The following DCTN6 variants were observed in gnomAD, a reference collection of about 807,000 sequenced individuals.
DCTN6 encodes the protein dynactin 6.
Under a neutral mutation model 25.8 loss-of-function variants are expected in DCTN6, and 15 were observed. That is an observed-to-expected ratio of 0.58 (90% CI 0.39 to 0.89). DCTN6 has a LOEUF of 0.89. DCTN6 is among the 40% of genes least tolerant of loss of function. The pLI, the probability that DCTN6 is intolerant of heterozygous loss-of-function variation, is 0.00. For missense variants in DCTN6, 198 were observed against 237.6 expected, an observed-to-expected ratio of 0.83 and a Z score of 1.09; for synonymous variants, 64 against 78.3, an observed-to-expected ratio of 0.82 and a Z score of 0.96.
chr8:30,180,406 T>A, intron 5 of DCTN6, 82 bp from the exon 6 acceptor site: 1 of 1,528,282 alleles, frequency 6.5e-7, no homozygotes, highest in Non-Finnish European at 8.8e-7. Flanking sequence ...TTTACATTTT[T>A]ATACCTAAAT....
At chr8:30,179,318 C>A in intron 4 of DCTN6, 90 bp from the exon 5 acceptor site, 1 of 1,081,850 alleles carries the variant, frequency 9.2e-7, no homozygotes, top group Non-Finnish European at 1.3e-6. Flanking sequence ...ACACCCCTGT[C>A]CTCTGTCCCA....
rs755500284 is a variant in DCTN6 at position 30,183,047 on chromosome 8, A to G, written c.475-28A>G. ...GTACTCTTGACTTTGCTTTCTGCCA[A>G]TCGGCCTTAATTACCTTATCTTTTT... On this transcript the variant is annotated intron_variant, in intron 6 of 6. Transcript: ENST00000221114. The G allele has an allele frequency of 4.7e-5, 75 of 1,605,504 alleles. No individual in the cohort carries two copies. Among genetic ancestry groups the G allele is most frequent in the Middle Eastern group, 1.6e-4 (1 of 6,072 alleles).
chr8:30,157,487 G>A (rs1803541622), intron 1 of DCTN6, among the ~76,000 whole-genome samples: 1 of 152,226 alleles, frequency 6.6e-6, no homozygotes, highest in Non-Finnish European at 1.5e-5. Flanking sequence ...AGCTCTATAT[G>A]GATTGCTGGG....
chr8:30,180,683 C>T, intron 6 of DCTN6, 53 bp downstream of exon 6: 1 of 1,594,498 alleles, frequency 6.3e-7, no homozygotes, highest in Non-Finnish European at 8.6e-7. Flanking sequence ...TCCCAAAATA[C>T]AATGTAATTG....
chr8:30,162,585 C>G (rs546013084), intron 1 of DCTN6, among the ~76,000 whole-genome samples: 58 of 152,292 alleles, frequency 3.8e-4, no homozygotes, highest in Middle Eastern at 3.4e-3. Flanking sequence ...TAATAACTAT[C>G]ACTGTAATGG....
chr8:30,175,522 G>A (rs1287364874), intron 3 of DCTN6, among the ~76,000 whole-genome samples: 1 of 150,270 alleles, frequency 6.7e-6, no homozygotes. Flanking sequence ...CCACCACCCT[G>A]CAGAGTTTTT....
intron 6 of DCTN6, 128 bp downstream of exon 6, chr8:30,180,758 T>C: frequency 8.6e-7 from 1 of 1,162,962 alleles, no homozygotes; most frequent in Non-Finnish European, 1.2e-6. Context: ...GATGCCAGTC[T>C]CAGTGACTCG....
intron 4 of DCTN6, among the ~76,000 whole-genome samples, chr8:30,177,814 C>G (rs1269938688): frequency 6.6e-6 from 1 of 152,224 alleles, no homozygotes; most frequent in African/African-American, 2.4e-5. Context: ...CCCTTCTGTT[C>G]CTGTAAATAA....
chr8:30,175,974 A>G (rs1803827208), intron 3 of DCTN6, among the ~76,000 whole-genome samples: 1 of 152,236 alleles, frequency 6.6e-6, no homozygotes, highest in Admixed American at 6.5e-5. Context: ...CAGTAACTCA[A>G]CTGTCAGAGA....
chr8:30,156,418 G>T lies in DCTN6; in HGVS notation c.23+12G>T, dbSNP rs769662886. ...AAGACTCAAAAGAGGTGGGTTTGCT[G>T]CTTGAGAAAAGCCTTTTCTCAGCTT... On this transcript the variant is annotated intron_variant, in intron 1 of 6. Transcript: ENST00000221114. 1 of 1,601,368 alleles carries T rather than the reference G, an allele frequency of 6.2e-7. No homozygotes were observed. Among genetic ancestry groups the T allele is most frequent in the Non-Finnish European group, 8.5e-7 (1 of 1,173,946 alleles).
At chr8:30,175,055 A>G in intron 2 of DCTN6, 30 bp from the exon 3 acceptor site, 1 of 1,604,376 alleles carries the variant, frequency 6.2e-7, no homozygotes, top group Non-Finnish European at 8.5e-7. Flanking sequence ...AGCCTCCACC[A>G]ATAATTTCTT....
At chr8:30,179,730 T>C (rs1240452604) in intron 5 of DCTN6, among the ~76,000 whole-genome samples, 1 of 152,234 alleles carries the variant, frequency 6.6e-6, no homozygotes, top group Non-Finnish European at 1.5e-5. Context: ...TACTAAATAC[T>C]AGTCTCTGAA....
At chr8:30,167,325 G>A (rs531387866) in intron 2 of DCTN6, among the ~76,000 whole-genome samples, 1 of 152,190 alleles carries the variant, frequency 6.6e-6, no homozygotes, top group East Asian at 1.9e-4. Flanking sequence ...GAAGTGCATT[G>A]TTTAAATCTA....
At chr8:30,164,002 T>C in intron 1 of DCTN6, 109 bp from the exon 2 acceptor site, 3 of 1,029,242 alleles carry the variant, frequency 2.9e-6, no homozygotes, top group South Asian at 1.4e-5. Context: ...GCGCCTGGCC[T>C]TTTTTTCCAT....
intron 1 of DCTN6, among the ~76,000 whole-genome samples, chr8:30,158,701 C>CTTTTTTTTTTTTTTT (rs5890500): frequency 1.0e-5 from 1 of 99,010 alleles, no homozygotes; most frequent in African/African-American, 3.8e-5. Flanking sequence ...AGTAGATTGA[C>CTTTTTTTTTTTTTTT]TTTTTTTTTT....
chr8:30,172,082 A>C (rs996455385), intron 2 of DCTN6, among the ~76,000 whole-genome samples: 1 of 152,170 alleles, frequency 6.6e-6, no homozygotes, highest in Non-Finnish European at 1.5e-5. Context: ...GTATGGTGCA[A>C]ACTACAAATT....
chr8:30,164,279 C>A, intron 2 of DCTN6, 104 bp downstream of exon 2: 1 of 890,262 alleles, frequency 1.1e-6, no homozygotes, highest in Non-Finnish European at 1.8e-6. Context: ...CACTGATGTC[C>A]TAGTTTTATT....
At chr8:30,171,627 G>A (rs1303729869) in intron 2 of DCTN6, among the ~76,000 whole-genome samples, 1 of 152,072 alleles carries the variant, frequency 6.6e-6, no homozygotes, top group African/African-American at 2.4e-5. Context: ...CTGATCATGT[G>A]GTGTGGAATT....
At chr8:30,166,319 CTTT>C (rs200865266) in intron 2 of DCTN6, among the ~76,000 whole-genome samples, 1 of 120,100 alleles carries the variant, frequency 8.3e-6, no homozygotes. Context: ...TTTTTTCTTT[CTTT>C]TTTTTTTTTT....
Sources: gnomAD v4.1 joint callset for allele counts (sites outside exome capture counted in the v4.1 genomes callset) on GRCh38, gnomAD v4.1.1 for gene constraint, MANE v1.5 for transcripts, NCBI Gene and HGNC (gene_info 2026-07-23, HGNC 2026-07-21) for gene names.